Variants in OR9Q1 observed in about 807,000 individuals in gnomAD.
The protein encoded by OR9Q1 is olfactory receptor 9Q1.
For synonymous variants in OR9Q1, 153 were observed against 148.6 expected (o/e 1.03, Z -0.22); for missense variants, 374 against 378.8 (o/e 0.99, Z 0.11).
intron 2 of OR9Q1, chr11:58,109,125 A>C (rs1853872319): frequency 2.0e-6 from 1 of 504,366 alleles, no homozygotes; most frequent in Non-Finnish European, 4.0e-6. Context: ...GTGGGAGGTC[A>C]CAGAAGAAGA....
intron 2 of OR9Q1, among the ~76,000 whole-genome samples, chr11:58,148,324 T>A (rs1259281854): frequency 6.6e-6 from 1 of 151,502 alleles, no homozygotes; most frequent in East Asian, 1.9e-4. Context: ...ATATATATAT[T>A]TACTTTTTGT....
At chr11:58,031,821 A>G (rs1013008603) in intron 1 of OR9Q1, 9 of 1,613,940 alleles carry the variant, frequency 5.6e-6, no homozygotes, top group Admixed American at 3.3e-5. Context: ...CCCATGCTCA[A>G]TCCTCTCATC....
Position 58,179,917 on chromosome 11 carries a change from T to A in OR9Q1, c.473T>A (p.Val158Glu). The A allele has an allele frequency of 6.2e-7, 1 of 1,614,190 alleles. No homozygotes were observed. Reference sequence around the variant, plus strand: ...GTTGCTGGTCTCATCAGTGCCTTGGTGCGGACAGTCTCAGCCTTCACTCTC... The same window carrying A: ...GTTGCTGGTCTCATCAGTGCCTTGGAGCGGACAGTCTCAGCCTTCACTCTC... ...AYVAGLISAL[V>E]RTVSAFTLSF... is the part of the protein sequence containing the mutation. The change falls in exon 3 of 3, where the codon GTG (valine) becomes GAG (glutamate). Residue 158 changes from valine to glutamate, a missense_variant. Physicochemically the swap from Val to Glu is moderately radical, Grantham distance 121. Coordinates refer to ENST00000335397, the MANE Select transcript of OR9Q1 (RefSeq NM_001005212.4).
chr11:58,081,719 C>T (rs760660475), intron 2 of OR9Q1, among the ~76,000 whole-genome samples: 1 of 150,482 alleles, frequency 6.6e-6, no homozygotes, highest in Non-Finnish European at 1.5e-5. Flanking sequence ...TGGATATTAG[C>T]CCTTTGTCAG....
At chr11:58,142,337 A>G (rs1854258095) in intron 2 of OR9Q1, among the ~76,000 whole-genome samples, 1 of 152,172 alleles carries the variant, frequency 6.6e-6, no homozygotes, top group African/African-American at 2.4e-5. Flanking sequence ...AGTTCTCAGT[A>G]GATTCTTATT....
intron 1 of OR9Q1, among the ~76,000 whole-genome samples, chr11:58,037,722 T>A (rs1853121646): frequency 4.7e-5 from 2 of 42,454 alleles, no homozygotes; most frequent in Admixed American, 3.0e-4. Context: ...TTTTTTTTTT[T>A]TTTTTTTTTT....
chr11:58,048,426 T>C (rs997395645), intron 1 of OR9Q1, among the ~76,000 whole-genome samples: 2 of 150,966 alleles, frequency 1.3e-5, no homozygotes, highest in Non-Finnish European at 2.9e-5. Flanking sequence ...CCCAGCACTT[T>C]AGCAGGCCGA....
intron 1 of OR9Q1, among the ~76,000 whole-genome samples, chr11:58,041,842 G>C (rs1853166741): frequency 6.6e-6 from 1 of 152,162 alleles, no homozygotes; most frequent in Non-Finnish European, 1.5e-5. Context: ...GATGTCCTCG[G>C]ATTCAGGGCC....
chr11:58,101,906 C>T (rs7113552), intron 2 of OR9Q1, among the ~76,000 whole-genome samples: 84,698 of 151,944 alleles, frequency 0.56, 24,581 homozygotes, highest in South Asian at 0.74. Context: ...ACCACCACAC[C>T]TGGCTAATTT....
At chr11:58,093,319 C>G (rs1433460549) in intron 2 of OR9Q1, among the ~76,000 whole-genome samples, 1 of 152,076 alleles carries the variant, frequency 6.6e-6, no homozygotes, top group Non-Finnish European at 1.5e-5. Context: ...AGCTCAACAA[C>G]AACAAAAATA....
At chr11:58,111,810 A>G (rs1442506101) in intron 2 of OR9Q1, among the ~76,000 whole-genome samples, 4 of 152,066 alleles carry the variant, frequency 2.6e-5, no homozygotes, top group Non-Finnish European at 5.9e-5. Context: ...ACTCCAATCT[A>G]CTATCCTATT....
rs563223012 is a variant in OR9Q1 at position 58,035,041 on chromosome 11, G to A, written c.-93+10937G>A. ...TGGGTTTCGCCAGGTTATTTTCCAG[G>A]CTGATCTCAAACTCCTGGGCTCAAG... On this transcript the variant is annotated intron_variant, in intron 1 of 2. Transcript: ENST00000335397. Among the ~76,000 whole-genome samples the A allele has an allele frequency of 1.1e-3, 174 of 151,864 alleles. 1 individual carries two copies. The highest frequency in any genetic ancestry group is 3.8e-3 in the African/African-American group (156 of 41,440).
chr11:58,078,386 A>G (rs1409025653), intron 2 of OR9Q1: 1 of 152,240 alleles, frequency 6.6e-6, no homozygotes, highest in African/African-American at 2.4e-5. Flanking sequence ...CCAGGATCTG[A>G]GGCATGATGA....
intron 1 of OR9Q1, chr11:58,031,627 C>T (rs945132559): frequency 1.7e-5 from 28 of 1,608,564 alleles, no homozygotes; most frequent in African/African-American, 6.8e-5. Flanking sequence ...ATGGCAACAT[C>T]GTCTGGACAC....
intron 2 of OR9Q1, chr11:58,109,530 C>G (rs768135484): frequency 1.7e-5 from 8 of 458,338 alleles, no homozygotes; most frequent in Middle Eastern, 3.2e-4. Context: ...GAATGATCAT[C>G]CCCCCATTCC....
intron 2 of OR9Q1, chr11:58,118,697 G>C (rs1348947553): frequency 6.8e-6 from 11 of 1,614,032 alleles, no homozygotes; most frequent in Non-Finnish European, 8.5e-6. Flanking sequence ...CCAAAGAAAA[G>C]GGCCACAGCA....
intron 2 of OR9Q1, among the ~76,000 whole-genome samples, chr11:58,095,621 C>T (rs1853723092): frequency 6.6e-6 from 1 of 151,962 alleles, no homozygotes; most frequent in South Asian, 2.1e-4. Flanking sequence ...AGGGAGAAAC[C>T]CCTTATAAAA....
At chr11:58,037,343 C>T (rs978745014) in intron 1 of OR9Q1, among the ~76,000 whole-genome samples, 2 of 152,032 alleles carry the variant, frequency 1.3e-5, no homozygotes, top group African/African-American at 4.8e-5. Context: ...TGTGTGAGAG[C>T]TTGCTTTATT....
rs1448974753 is a variant in OR9Q1, at chr11:58,023,881, G to A, written c.-316G>A. 6.6e-6 allele frequency: 1 copy of A among 152,222 alleles called. No homozygotes were observed. Among genetic ancestry groups the A allele is most frequent in the Non-Finnish European group, 1.5e-5 (1 of 68,054 alleles). 9.4% of individuals were successfully genotyped at this position (152,222 alleles called of 1,614,324 possible). A position where few individuals can be genotyped will look rare whatever the true frequency, so the allele number is the denominator to read the frequency against. On this transcript the variant is annotated 5_prime_UTR_variant, in exon 1 of 3. Transcript: ENST00000335397. ...TGGTCAGAAAGGGCCTCTCTGTTAAGGTGGCCCTTGTGCAGGGAATTGAAG... is the reference window on the plus strand; with the variant it reads ...TGGTCAGAAAGGGCCTCTCTGTTAAAGTGGCCCTTGTGCAGGGAATTGAAG...
Sources: gnomAD v4.1 joint callset for allele counts (sites outside exome capture counted in the v4.1 genomes callset) on GRCh38, gnomAD v4.1.1 for gene constraint, MANE v1.5 for transcripts, NCBI Gene and HGNC (gene_info 2026-07-23, HGNC 2026-07-21) for gene names.